AGL: variants seen among roughly 807,000 people sequenced by gnomAD.
AGL encodes the protein amylo-alpha-1,6-glucosidase and 4-alpha-glucanotransferase.
In AGL, 128 loss-of-function variants were observed where a neutral mutation model predicts 199.3. The observed-to-expected ratio is 0.64, with a 90% CI of 0.56 to 0.74. The LOEUF is 0.74. AGL is among the 30% of genes least tolerant of loss of function. The probability of loss-of-function intolerance (pLI) is 0.00; values close to 1 mark genes in which losing one functional copy is unlikely to be tolerated. For synonymous variants in AGL, 584 were observed against 594.7 expected, an observed-to-expected ratio of 0.98 and a Z score of 0.26; for missense variants, 1,809 against 1,820.8, an observed-to-expected ratio of 0.99 and a Z score of 0.12.
At chr1:99,899,356 A>G (rs1415658150) in intron 25 of AGL, among the ~76,000 whole-genome samples, 1 of 152,144 alleles carries the variant, frequency 6.6e-6, no homozygotes, top group African/African-American at 2.4e-5. Flanking sequence ...TCTTAATTTC[A>G]TGCTGTTTCT....
chr1:99,896,126 T>G (rs1295071209), intron 24 of AGL, among the ~76,000 whole-genome samples, 160 bp from the exon 25 acceptor site: 1 of 152,236 alleles, frequency 6.6e-6, no homozygotes, highest in Non-Finnish European at 1.5e-5. Flanking sequence ...AACATAAGTA[T>G]AGACATACAT....
At chr1:99,912,311 T>A (rs1003842191) in intron 28 of AGL, 94 bp from the exon 29 acceptor site, 12 of 891,722 alleles carry the variant, frequency 1.3e-5, no homozygotes, top group Non-Finnish European at 2.2e-5. Context: ...TCATAATATG[T>A]TATATGATTC....
chr1:99,866,171 ATAT>A (rs1478240228), intron 5 of AGL, among the ~76,000 whole-genome samples: 7 of 152,228 alleles, frequency 4.6e-5, no homozygotes, highest in Non-Finnish European at 8.8e-5. Flanking sequence ...GAGATCTATA[ATAT>A]TATTGAAATC....
chr1:99,864,066 T>C (rs1481841585), intron 4 of AGL, among the ~76,000 whole-genome samples: 1 of 152,232 alleles, frequency 6.6e-6, no homozygotes, highest in Non-Finnish European at 1.5e-5. Context: ...CACGTGTTGA[T>C]ATACTCGTAG....
intron 25 of AGL, among the ~76,000 whole-genome samples, chr1:99,899,808 G>A (rs1231359938): frequency 6.6e-6 from 1 of 151,678 alleles, no homozygotes; most frequent in Non-Finnish European, 1.5e-5. Flanking sequence ...TTTTAGTAGA[G>A]ACGGGGTTTC....
intron 17 of AGL, 45 bp from the exon 18 acceptor site, chr1:99,884,075 T>C: frequency 6.5e-7 from 1 of 1,535,832 alleles, no homozygotes; most frequent in Non-Finnish European, 9.0e-7. Context: ...TAATTTTGGA[T>C]GATTCCATAT....
In AGL at chr1:99,877,720, C is replaced by T. The variant is rs187788246; in HGVS notation, c.1503C>T (p.Asp501=). ...VKLRYGNKPE[D]CPYLWAHMKK... Reference sequence around the variant, plus strand: ...TACGCTATGGGAATAAACCAGAGGACTGTCCTTATCTCTGGGCACACATGA... The same window carrying T: ...TACGCTATGGGAATAAACCAGAGGATTGTCCTTATCTCTGGGCACACATGA... Residue 501 remains aspartate, a synonymous_variant, in exon 12 of 34, where the codon GAC becomes GAT. Coordinates refer to ENST00000361915, the MANE Select transcript of AGL (RefSeq NM_000642.3). 6.2e-7 allele frequency: 1 copy of T among 1,613,808 alleles called. No homozygotes were observed. The highest frequency in any genetic ancestry group is 2.2e-5 in the East Asian group (1 of 44,842).
intron 2 of AGL, among the ~76,000 whole-genome samples, chr1:99,852,262 T>C (rs1401486956): frequency 6.6e-6 from 1 of 151,998 alleles, no homozygotes; most frequent in Non-Finnish European, 1.5e-5. Context: ...CAGCATTTGA[T>C]GACGGGTAGA....
At position 99,875,263 on chromosome 1, in the gene AGL, C is replaced by T; in HGVS notation, c.1185+7C>T. The T allele has an allele frequency of 6.2e-7, 1 of 1,613,514 alleles. No homozygotes were observed. The highest frequency in any genetic ancestry group is 8.5e-7 in the Non-Finnish European group (1 of 1,179,488). ...TAACTATCATCAGGAACAGGTTTTA[C>T]TTATTTTTGAACTGCTGCTTTTCCT... is the stretch of plus-strand genomic sequence containing the variant. On this transcript the variant is annotated splice_region_variant and intron_variant, in intron 9 of 33. Transcript: ENST00000361915.
At chr1:99,882,929 A>G (rs1418791860) in intron 17 of AGL, among the ~76,000 whole-genome samples, 1 of 152,172 alleles carries the variant, frequency 6.6e-6, no homozygotes, top group Non-Finnish European at 1.5e-5. Flanking sequence ...ACAAATGTAT[A>G]TTCACTATCC....
In AGL at chr1:99,880,637, A is replaced by G. The variant is rs1651932753; in HGVS notation, c.1741A>G (p.Met581Val). 2 of 1,613,908 alleles carry G rather than the reference A, an allele frequency of 1.2e-6. No individual in the cohort carries two copies. Among genetic ancestry groups the G allele is most frequent in the African/African-American group, 1.3e-5 (1 of 75,048 alleles). The change falls in exon 14 of 34, where the codon ATG (methionine) becomes GTG (valine). Residue 581 changes from methionine to valine, a missense_variant. Met to Val is a conservative substitution (Grantham distance 21). Transcript: ENST00000361915. ...LGISSLIREA[M>V]SAYNSHEEGR... Reference sequence around the variant, plus strand: ...TATTCTGTAATGCTCTGCAGAGGCAATGAGTGCATATAATAGTCATGAAGA... The same window carrying G: ...TATTCTGTAATGCTCTGCAGAGGCAGTGAGTGCATATAATAGTCATGAAGA...
rs1431729115 is a variant in AGL, at chr1:99,923,799, A to G, written c.*2148A>G. On this transcript the variant is annotated 3_prime_UTR_variant, in exon 34 of 34. Coordinates refer to ENST00000361915, the MANE Select transcript of AGL (RefSeq NM_000642.3). The stretch of plus-strand genomic sequence containing the variant: ...TGGTTTTTCACTAATCAAAATCAAA[A>G]TTACTCTTTAACATGATAAATGAAT... The G allele has an allele frequency of 1.3e-5, 2 of 152,190 alleles. No individual in the cohort carries two copies. The highest frequency in any genetic ancestry group is 4.8e-5 in the African/African-American group (2 of 41,444). 9.4% of individuals were successfully genotyped at this position (152,190 alleles called of 1,614,324 possible).
chr1:99,863,552 A>T (rs955758286), intron 4 of AGL, among the ~76,000 whole-genome samples: 1 of 151,948 alleles, frequency 6.6e-6, no homozygotes, highest in Non-Finnish European at 1.5e-5. Flanking sequence ...TCCTGGGTTC[A>T]CACCATTCTT....
chr1:99,874,496 TGCGCGTGCAC>T (rs1339501571), intron 7 of AGL, 181 bp from the exon 8 acceptor site: 4 of 582,342 alleles, frequency 6.9e-6, no homozygotes, highest in South Asian at 2.0e-5. Context: ...CGTGTGTGTT[TGCGCGTGCAC>T]GCACGTGCAC....
intron 28 of AGL, 41 bp from the exon 29 acceptor site, chr1:99,912,364 G>T: frequency 6.7e-7 from 1 of 1,503,310 alleles, no homozygotes; most frequent in Non-Finnish European, 9.3e-7. Context: ...GTACTTAAAG[G>T]ACGCCAACTT....
At position 99,854,538 on chromosome 1, in the gene AGL, G is replaced by A. The variant is rs184095821; in HGVS notation, c.82+3414G>A. Among the ~76,000 whole-genome samples the A allele has an allele frequency of 2.4e-3, 364 of 151,964 alleles. 2 individuals are homozygous for A. In the Middle Eastern group the frequency reaches 0.034, roughly 14 times the overall value. The stretch of plus-strand genomic sequence containing the variant: ...AGCACTTTGGGAGGCCGAGGCGGGC[G>A]GATCACGAGGTCAGGAGATCGAGAC... On this transcript the variant is annotated intron_variant, in intron 2 of 33. Coordinates refer to ENST00000361915, the MANE Select transcript of AGL (RefSeq NM_000642.3).
intron 27 of AGL, among the ~76,000 whole-genome samples, chr1:99,905,300 G>A (rs1170047280): frequency 1.3e-5 from 2 of 152,102 alleles, no homozygotes; most frequent in Admixed American, 6.6e-5. Flanking sequence ...GGGTTCAAAC[G>A]ATTCTTGTAC....
chr1:99,867,844 C>A (rs779237007), intron 5 of AGL, among the ~76,000 whole-genome samples: 1 of 152,158 alleles, frequency 6.6e-6, no homozygotes, highest in Non-Finnish European at 1.5e-5. Flanking sequence ...AGTTCTATTC[C>A]AAGCAGGCAG....
At chr1:99,903,027 A>G (rs1653968605) in intron 27 of AGL, among the ~76,000 whole-genome samples, 1 of 152,358 alleles carries the variant, frequency 6.6e-6, no homozygotes, top group Non-Finnish European at 1.5e-5. Context: ...AACTATAATA[A>G]TCGCCATGAA....
Sources: allele counts gnomAD v4.1 joint callset (sites outside exome capture counted in the v4.1 genomes callset), GRCh38; gene constraint gnomAD v4.1.1; transcripts MANE v1.5; gene names NCBI Gene and HGNC (gene_info 2026-07-23, HGNC 2026-07-21).